The following DCC variants were observed in gnomAD, a reference collection of about 807,000 sequenced individuals.
DCC encodes DCC netrin 1 receptor.
Under a neutral mutation model 172.5 loss-of-function variants are expected in DCC, and 58 were observed. The ratio of observed to expected loss-of-function variants is 0.34; its 90% CI spans 0.27 to 0.42. DCC has a LOEUF of 0.42. Ranked by LOEUF, DCC falls within the 10% of genes least tolerant of loss-of-function variation. The pLI, the probability that DCC is intolerant of heterozygous loss-of-function variation, is 1.00. For synonymous variants in DCC, 709 were observed against 644.5 expected (o/e 1.10, Z -1.52); for missense variants, 1,740 against 1,791.0 (o/e 0.97, Z 0.51).
At chr18:52,776,676 AAATG>A (rs1024907191) in intron 2 of DCC, among the ~76,000 whole-genome samples, 1 of 152,170 alleles carries the variant, frequency 6.6e-6, no homozygotes, top group Non-Finnish European at 1.5e-5. Flanking sequence ...CGATTTAAGA[AAATG>A]AAGGATAAAT....
chr18:52,647,067 A>G (rs867908504), intron 1 of DCC, among the ~76,000 whole-genome samples: 49 of 152,342 alleles, frequency 3.2e-4, no homozygotes, highest in South Asian at 1.9e-3. Flanking sequence ...AGAACCAGGG[A>G]CAAAGCCCAA....
At chr18:53,174,601 A>C (rs555471334) in intron 8 of DCC, among the ~76,000 whole-genome samples, 30 of 151,340 alleles carry the variant, frequency 2.0e-4, no homozygotes, top group African/African-American at 5.6e-4. Flanking sequence ...TCCTTGACAC[A>C]TACACTCTCC....
intron 1 of DCC, among the ~76,000 whole-genome samples, chr18:52,639,184 C>T (rs2034842620): frequency 6.6e-6 from 1 of 151,982 alleles, no homozygotes. Context: ...AATTCCATAG[C>T]CCTAAATACC....
At position 53,239,218 on chromosome 18, in the gene DCC, A is replaced by C. The variant is rs538783266; in HGVS notation, c.1911+23621A>C. Among the ~76,000 whole-genome samples the C allele has an allele frequency of 2.0e-5, 3 of 150,490 alleles. No homozygotes were observed. In the East Asian group the frequency reaches 5.8e-4, roughly 29 times the overall value. ...TAATAATAAAAATAAATAAATAAAA[A>C]ATAAAAATGAAAAAAAAAAAACTCC... is the stretch of plus-strand genomic sequence containing the variant. On this transcript the variant is annotated intron_variant, in intron 12 of 28. Transcript: ENST00000442544.
chr18:53,209,652 T>C (rs2055714823), intron 11 of DCC, among the ~76,000 whole-genome samples: 1 of 152,226 alleles, frequency 6.6e-6, no homozygotes, highest in Non-Finnish European at 1.5e-5. Flanking sequence ...AATACCACTT[T>C]GGTATCATTT....
At chr18:53,217,262 T>TACACACACACAC (rs36226906) in intron 12 of DCC, among the ~76,000 whole-genome samples, 1 of 133,292 alleles carries the variant, frequency 7.5e-6, no homozygotes, top group East Asian at 2.1e-4. Context: ...ATATATATTA[T>TACACACACACAC]ACACACACAC....
intron 2 of DCC, among the ~76,000 whole-genome samples, chr18:52,810,104 G>A (rs2054859024): frequency 6.6e-6 from 1 of 151,948 alleles, no homozygotes; most frequent in African/African-American, 2.4e-5. Context: ...TTCTCAAAAA[G>A]TTTATTGAAA....
intron 12 of DCC, among the ~76,000 whole-genome samples, chr18:53,218,939 A>G (rs1428603862): frequency 6.6e-6 from 1 of 152,158 alleles, no homozygotes; most frequent in Non-Finnish European, 1.5e-5. Context: ...ACAAATATTA[A>G]TACTTCCCTA....
At chr18:52,501,654 T>C (rs1036132860) in intron 1 of DCC, among the ~76,000 whole-genome samples, 2 of 152,136 alleles carry the variant, frequency 1.3e-5, no homozygotes, top group African/African-American at 4.8e-5. Flanking sequence ...GAACGCTACC[T>C]GAGAATGAAA....
chr18:52,594,272 T>G (rs928007335), intron 1 of DCC, among the ~76,000 whole-genome samples: 1 of 152,228 alleles, frequency 6.6e-6, no homozygotes, highest in Admixed American at 6.5e-5. Context: ...TGTTCTAGAT[T>G]TATTCCATCA....
In DCC at chr18:53,170,113, T is replaced by G. The variant is rs148763298; in HGVS notation, c.1419-8849T>G. Among the ~76,000 whole-genome samples, 620 of 152,290 alleles carry G rather than the reference T, an allele frequency of 4.1e-3. 3 individuals are homozygous for G. The highest frequency in any genetic ancestry group is 7.0e-3 in the Non-Finnish European group (479 of 68,016). ...AAGGATAACATGGCAGGAAATACCA[T>G]TTTCTCAATATGCTTTTGTATAATG... On this transcript the variant is annotated intron_variant, in intron 8 of 28. Transcript: ENST00000442544.
chr18:53,345,374 C>T (rs1314472452), intron 15 of DCC, among the ~76,000 whole-genome samples: 8 of 152,072 alleles, frequency 5.3e-5, no homozygotes, highest in African/African-American at 1.7e-4. Flanking sequence ...AAACCTGCAA[C>T]TGCACAGGTC....
intron 2 of DCC, among the ~76,000 whole-genome samples, chr18:52,808,122 A>G (rs1212994890): frequency 6.6e-6 from 1 of 152,228 alleles, no homozygotes; most frequent in Non-Finnish European, 1.5e-5. Flanking sequence ...AGATTTCACA[A>G]GCTTAGGTGC....
intron 3 of DCC, among the ~76,000 whole-genome samples, chr18:52,920,020 C>CAAAAAA (rs373883714): frequency 2.0e-5 from 2 of 100,168 alleles, no homozygotes; most frequent in African/African-American, 3.8e-5. Context: ...TGTCCATATA[C>CAAAAAA]AAAAAAAAAA....
At chr18:53,366,307 C>G (rs1418220714) in intron 15 of DCC, among the ~76,000 whole-genome samples, 11 of 152,146 alleles carry the variant, frequency 7.2e-5, no homozygotes, top group Non-Finnish European at 1.5e-4. Context: ...CTCAGCCTCC[C>G]AAAGTGGTGG....
intron 12 of DCC, among the ~76,000 whole-genome samples, chr18:53,261,193 G>T (rs142997829): frequency 4.6e-5 from 7 of 152,250 alleles, no homozygotes; most frequent in African/African-American, 1.7e-4. Context: ...CACATTCAGT[G>T]TGCTGCACCC....
chr18:53,294,331 C>T (rs1016401979), intron 12 of DCC, among the ~76,000 whole-genome samples: 8 of 151,986 alleles, frequency 5.3e-5, no homozygotes, highest in African/African-American at 7.3e-5. Flanking sequence ...AGGGCTGTGC[C>T]CTAAACCAGA....
intron 1 of DCC, among the ~76,000 whole-genome samples, chr18:52,665,706 A>T (rs1035608085): frequency 3.9e-5 from 6 of 152,230 alleles, no homozygotes; most frequent in African/African-American, 1.2e-4. Context: ...TACCGACTTT[A>T]AGTTTAATCA....
chr18:53,261,590 A>G (rs1296230927), intron 12 of DCC, among the ~76,000 whole-genome samples: 1 of 152,166 alleles, frequency 6.6e-6, no homozygotes, highest in African/African-American at 2.4e-5. Flanking sequence ...AAAGCTGAGA[A>G]GCCAAAGAGA....
Sources: gnomAD v4.1 joint callset for allele counts (sites outside exome capture counted in the v4.1 genomes callset) on GRCh38, gnomAD v4.1.1 for gene constraint, MANE v1.5 for transcripts, NCBI Gene and HGNC (gene_info 2026-07-23, HGNC 2026-07-21) for gene names.